Variants in POFUT3 observed in about 807,000 individuals in gnomAD.
POFUT3 encodes protein O-fucosyltransferase 3, also known as GDP-fucose protein O-fucosyltransferase 3.
chr8:33,418,080 A>C, the POFUT3 span, among the ~76,000 whole-genome samples: 10 of 152,204 alleles, frequency 6.6e-5, no homozygotes, highest in Non-Finnish European at 1.0e-4. Context: ...CGGCTACAGC[A>C]ACGCACCATT....
At chr8:33,309,211 T>C in the POFUT3 span, among the ~76,000 whole-genome samples, 1 of 140,110 alleles carries the variant, frequency 7.1e-6, no homozygotes, top group South Asian at 2.2e-4. Context: ...CACACACATA[T>C]TTTTTTCCTT....
chr8:33,342,890 A>G, the POFUT3 span, among the ~76,000 whole-genome samples: 1 of 152,010 alleles, frequency 6.6e-6, no homozygotes, highest in African/African-American at 2.4e-5. Flanking sequence ...CAGATCACCT[A>G]AGATCAGGAG....
the POFUT3 span, among the ~76,000 whole-genome samples, chr8:33,464,482 C>T: frequency 1.3e-5 from 2 of 152,272 alleles, no homozygotes; most frequent in African/African-American, 4.8e-5. Flanking sequence ...ATCTGAAGTG[C>T]ACACATTCCT....
At chr8:33,346,615 A>T in the POFUT3 span, among the ~76,000 whole-genome samples, 1 of 152,166 alleles carries the variant, frequency 6.6e-6, no homozygotes, top group Non-Finnish European at 1.5e-5. Context: ...GATATTCCAC[A>T]TCTGTTTTTC....
chr8:33,358,813 G>A, the POFUT3 span, among the ~76,000 whole-genome samples: 2 of 151,788 alleles, frequency 1.3e-5, no homozygotes, highest in East Asian at 3.9e-4. Flanking sequence ...AACCAGCCTG[G>A]GCGACATGGC....
the POFUT3 span, among the ~76,000 whole-genome samples, chr8:33,336,479 T>G: frequency 7.9e-5 from 12 of 152,238 alleles, no homozygotes; most frequent in Admixed American, 7.8e-4. Context: ...TAATAGTGGC[T>G]GTTTTTAACA....
chr8:33,409,766 G>A, the POFUT3 span, among the ~76,000 whole-genome samples: 287 of 152,244 alleles, frequency 1.9e-3, 1 homozygote, highest in African/African-American at 6.3e-3. Flanking sequence ...TTAGCCGGGC[G>A]TGGTGGTACA....
At chr8:33,452,063 A>C in the POFUT3 span, 2 of 150,344 alleles carry the variant, frequency 1.3e-5, no homozygotes, top group Non-Finnish European at 3.0e-5. Context: ...ATACGTGTGT[A>C]TATATGCATG....
chr8:33,463,036 G>C, the POFUT3 span, among the ~76,000 whole-genome samples: 1 of 152,250 alleles, frequency 6.6e-6, no homozygotes, highest in Admixed American at 6.5e-5. Flanking sequence ...GGAGCTCAGA[G>C]TGGAGGAAGG....
At chr8:33,372,565 T>A in the POFUT3 span, 1 of 1,611,502 alleles carries the variant, frequency 6.2e-7, no homozygotes. Context: ...TTCATTCTGA[T>A]CATTTTTGAA....
chr8:33,317,773 G>A, the POFUT3 span, among the ~76,000 whole-genome samples: 3 of 151,954 alleles, frequency 2.0e-5, no homozygotes, highest in Non-Finnish European at 4.4e-5. Flanking sequence ...CCCAGTTTGG[G>A]TCTGTAACAC....
the POFUT3 span, among the ~76,000 whole-genome samples, chr8:33,373,567 T>C: frequency 6.6e-6 from 1 of 152,090 alleles, no homozygotes; most frequent in African/African-American, 2.4e-5. Context: ...CTCTGCAGGC[T>C]ACACTCGGCA....
chr8:33,403,035 C>T, the POFUT3 span, among the ~76,000 whole-genome samples: 12 of 151,340 alleles, frequency 7.9e-5, no homozygotes, highest in Admixed American at 4.6e-4. Context: ...CACTCCAGCC[C>T]GGGTGACAAA....
chr8:33,346,066 C>T, the POFUT3 span, among the ~76,000 whole-genome samples: 9 of 151,548 alleles, frequency 5.9e-5, no homozygotes, highest in African/African-American at 2.2e-4. Context: ...TTCAGGTGAT[C>T]CACCCTCCTC....
At chr8:33,322,450 C>T in the POFUT3 span, among the ~76,000 whole-genome samples, 2 of 152,098 alleles carry the variant, frequency 1.3e-5, no homozygotes, top group African/African-American at 4.8e-5. Flanking sequence ...CAGAGGATTT[C>T]TACTGCTGCT....
the POFUT3 span, among the ~76,000 whole-genome samples, chr8:33,470,093 A>G: frequency 6.6e-6 from 1 of 151,768 alleles, no homozygotes; most frequent in African/African-American, 2.4e-5. Context: ...GCGCCCGGCA[A>G]GAAGCACAGA....
At chr8:33,314,678 T>C in the POFUT3 span, among the ~76,000 whole-genome samples, 12 of 152,222 alleles carry the variant, frequency 7.9e-5, no homozygotes, top group Non-Finnish European at 1.6e-4. Context: ...TACTTCCAGT[T>C]ACATTGGAGG....
the POFUT3 span, chr8:33,389,660 G>A: frequency 4.6e-5 from 74 of 1,614,180 alleles, no homozygotes; most frequent in Non-Finnish European, 5.5e-5. Context: ...CCTGCTGAAC[G>A]TGGCAGTGTA....
the POFUT3 span, among the ~76,000 whole-genome samples, chr8:33,386,948 T>G: frequency 6.6e-6 from 1 of 152,228 alleles, no homozygotes; most frequent in South Asian, 2.1e-4. Flanking sequence ...CTTGAAGCCT[T>G]GAAATGGTCT....
Sources: allele counts gnomAD v4.1 joint callset (sites outside exome capture counted in the v4.1 genomes callset), GRCh38; gene constraint gnomAD v4.1.1; transcripts MANE v1.5; gene names NCBI Gene and HGNC (gene_info 2026-07-23, HGNC 2026-07-21).